PPP1R42: variants seen among roughly 807,000 people sequenced by gnomAD.
The protein encoded by PPP1R42 is protein phosphatase 1 regulatory subunit 42.
PPP1R42 carries 34 observed loss-of-function variants against 31.0 expected under a neutral mutation model. The observed-to-expected ratio is 1.10, with a 90% CI of 0.83 to 1.46. The LOEUF is 1.46. Ranked by LOEUF, PPP1R42 falls within the 40% of genes most tolerant of loss-of-function variation. The pLI, the probability that PPP1R42 is intolerant of heterozygous loss-of-function variation, is 0.00. For synonymous variants in PPP1R42, 103 were observed against 109.8 expected, an observed-to-expected ratio of 0.94 and a Z score of 0.39; for missense variants, 268 against 303.0, an observed-to-expected ratio of 0.88 and a Z score of 0.86.
At position 67,013,766 on chromosome 8, in the gene PPP1R42, C is replaced by T. The variant is rs144142680; in HGVS notation, c.296+660G>A. Among the ~76,000 whole-genome samples the T allele has an allele frequency of 4.4e-3, 673 of 152,160 alleles. 9 individuals are homozygous for T. The highest frequency in any genetic ancestry group is 0.015 in the African/African-American group (638 of 41,482). On this transcript the variant is annotated intron_variant, in intron 3 of 7. Transcript: ENST00000685739. ...AAATGAAGATATCTGGGCCTAACCC[C>T]TGGAGATTCTAATTTGGATATGTAG...
chr8:66,976,423 C>G (rs1314385554), intron 7 of PPP1R42, among the ~76,000 whole-genome samples: 1 of 152,196 alleles, frequency 6.6e-6, no homozygotes, highest in Admixed American at 6.5e-5. Flanking sequence ...TTGTCTTCCA[C>G]AAAACCAGTC....
chr8:66,981,332 C>T (rs769570342), intron 7 of PPP1R42, among the ~76,000 whole-genome samples: 2 of 150,052 alleles, frequency 1.3e-5, no homozygotes, highest in African/African-American at 4.9e-5. Flanking sequence ...CAGATGTGGT[C>T]GTGATATATT....
chr8:66,966,776 C>T (rs965424957), intron 7 of PPP1R42, among the ~76,000 whole-genome samples: 1 of 151,502 alleles, frequency 6.6e-6, no homozygotes, highest in East Asian at 1.9e-4. Context: ...CAGAGCGAGA[C>T]TCCGTCTCCA....
At chr8:66,969,170 G>A (rs1814469653) in intron 7 of PPP1R42, among the ~76,000 whole-genome samples, 2 of 152,176 alleles carry the variant, frequency 1.3e-5, no homozygotes, top group Non-Finnish European at 2.9e-5. Flanking sequence ...TATGTGGAAT[G>A]GGCCACAGCT....
At chr8:67,023,622 G>C (rs55783506) in intron 1 of PPP1R42, among the ~76,000 whole-genome samples, 12,580 of 152,016 alleles carry the variant, frequency 0.083, 1,056 homozygotes, top group African/African-American at 0.22. Flanking sequence ...GATTATATAT[G>C]AGTAACAGTC....
At chr8:67,015,812 T>C (rs1398699981) in intron 2 of PPP1R42, among the ~76,000 whole-genome samples, 3 of 152,188 alleles carry the variant, frequency 2.0e-5, no homozygotes, top group South Asian at 2.1e-4. Context: ...CTAGAGTAAA[T>C]AGACAAGCGG....
intron 5 of PPP1R42, among the ~76,000 whole-genome samples, chr8:67,004,941 G>T (rs141530651): frequency 4.6e-5 from 7 of 152,042 alleles, no homozygotes; most frequent in African/African-American, 1.7e-4. Flanking sequence ...GTTTTCTCTT[G>T]AGCTAGTCAG....
intron 6 of PPP1R42, 25 bp downstream of exon 6, chr8:66,988,375 A>T: frequency 7.3e-7 from 1 of 1,362,436 alleles, no homozygotes; most frequent in East Asian, 2.9e-5. Context: ...ATTCTCTTAA[A>T]AATTATATTA....
intron 1 of PPP1R42, among the ~76,000 whole-genome samples, chr8:67,025,736 G>A (rs1816373968): frequency 1.3e-5 from 2 of 152,152 alleles, no homozygotes; most frequent in South Asian, 4.1e-4. Context: ...CGGGTGCGGT[G>A]GCTCATGCCT....
chr8:67,006,501 C>T (rs551152663), intron 5 of PPP1R42, among the ~76,000 whole-genome samples: 68 of 152,300 alleles, frequency 4.5e-4, no homozygotes, highest in Non-Finnish European at 9.3e-4. Context: ...AGTACAGGCA[C>T]ATGCCATCAC....
chr8:67,010,910 A>C (rs1815823942), intron 4 of PPP1R42, 79 bp from the exon 5 acceptor site: 5 of 1,351,740 alleles, frequency 3.7e-6, no homozygotes, highest in Admixed American at 2.6e-5. Flanking sequence ...TAATCTTTGA[A>C]AAGTTTAAGC....
At chr8:66,978,942 G>C (rs1412659698) in intron 7 of PPP1R42, among the ~76,000 whole-genome samples, 3 of 152,070 alleles carry the variant, frequency 2.0e-5, no homozygotes, top group Non-Finnish European at 4.4e-5. Context: ...TCAGTTTCTT[G>C]TATATTCTGA....
chr8:66,974,071 A>G (rs981785290), intron 7 of PPP1R42, among the ~76,000 whole-genome samples: 2 of 152,194 alleles, frequency 1.3e-5, no homozygotes, highest in African/African-American at 2.4e-5. Flanking sequence ...TCTCTTGGAA[A>G]TCCTGATTTC....
chr8:67,017,409 G>A (rs1271553350), intron 2 of PPP1R42, among the ~76,000 whole-genome samples: 1 of 151,996 alleles, frequency 6.6e-6, no homozygotes, highest in African/African-American at 2.4e-5. Context: ...TACAAGAGTC[G>A]CTTGAACCTG....
intron 5 of PPP1R42, among the ~76,000 whole-genome samples, chr8:66,996,715 A>G (rs1815343501): frequency 6.6e-6 from 1 of 152,134 alleles, no homozygotes; most frequent in African/African-American, 2.4e-5. Flanking sequence ...TAGAAGTTTT[A>G]TATTTTAGCA....
intron 1 of PPP1R42, among the ~76,000 whole-genome samples, chr8:67,028,107 C>G (rs773578808): frequency 2.4e-4 from 36 of 152,148 alleles, no homozygotes; most frequent in Admixed American, 3.9e-4. Context: ...TTTCTGAATT[C>G]TGTTAGTATC....
chr8:66,968,645 A>T (rs1814452606), intron 7 of PPP1R42: 1 of 187,416 alleles, frequency 5.3e-6, no homozygotes, highest in Non-Finnish European at 1.0e-5. Context: ...TATTTTGATT[A>T]TCTCCTGGAT....
intron 5 of PPP1R42, among the ~76,000 whole-genome samples, chr8:67,010,169 A>G (rs1815802050): frequency 6.6e-6 from 1 of 152,226 alleles, no homozygotes; most frequent in African/African-American, 2.4e-5. Flanking sequence ...TTTGTTCTAC[A>G]CTGAGTAGTA....
intron 5 of PPP1R42, among the ~76,000 whole-genome samples, chr8:66,998,662 T>C (rs971052539): frequency 6.6e-6 from 1 of 152,240 alleles, no homozygotes; most frequent in Non-Finnish European, 1.5e-5. Flanking sequence ...CTTTCATCAT[T>C]AAGTATGTTG....
Sources: gnomAD v4.1 joint callset for allele counts (sites outside exome capture counted in the v4.1 genomes callset) on GRCh38, gnomAD v4.1.1 for gene constraint, MANE v1.5 for transcripts, NCBI Gene and HGNC (gene_info 2026-07-23, HGNC 2026-07-21) for gene names.